SCUBE1: variants seen among roughly 807,000 people sequenced by gnomAD.
SCUBE1 encodes signal peptide, CUB domain and EGF like domain containing 1.
A neutral mutation model predicts 124.4 loss-of-function variants in SCUBE1; 59 were observed. The observed-to-expected ratio is 0.47, with a 90% CI of 0.38 to 0.59. The LOEUF is 0.59. Among genes scored for constraint, SCUBE1 ranks in the 20% least tolerant of loss-of-function variants. The pLI is 0.00. For missense variants in SCUBE1, 1,150 were observed against 1,371.2 expected (o/e 0.84, Z 2.55); for synonymous variants, 545 against 550.9 (o/e 0.99, Z 0.15).
At chr22:43,224,533 A>T (rs1475977333) in intron 10 of SCUBE1, among the ~76,000 whole-genome samples, 2 of 152,140 alleles carry the variant, frequency 1.3e-5, no homozygotes, top group African/African-American at 2.4e-5. Context: ...CATGCTTCCA[A>T]CTCAATCCAA....
intron 4 of SCUBE1, among the ~76,000 whole-genome samples, chr22:43,263,109 C>T (rs1261356207): frequency 6.6e-6 from 1 of 152,224 alleles, no homozygotes; most frequent in African/African-American, 2.4e-5. Context: ...CTGTAAATGG[C>T]ACCTCGTGAC....
chr22:43,284,158 G>A (rs922468126), intron 4 of SCUBE1, among the ~76,000 whole-genome samples: 33 of 152,222 alleles, frequency 2.2e-4, no homozygotes, highest in Admixed American at 2.0e-3. Flanking sequence ...GAGCAGTGTC[G>A]AAAGAAAAGC....
At chr22:43,296,159 C>A (rs1448884140) in intron 3 of SCUBE1, among the ~76,000 whole-genome samples, 1 of 152,218 alleles carries the variant, frequency 6.6e-6, no homozygotes, top group African/African-American at 2.4e-5. Flanking sequence ...TGCACCCTAC[C>A]CTGGCGACCC....
intron 10 of SCUBE1, among the ~76,000 whole-genome samples, chr22:43,226,678 C>T (rs1006594187): frequency 1.1e-4 from 16 of 151,928 alleles, no homozygotes; most frequent in Admixed American, 3.3e-4. Context: ...TTCTAACTTA[C>T]ATTTAAAAGG....
At chr22:43,323,940 C>T (rs1169208349) in intron 2 of SCUBE1, among the ~76,000 whole-genome samples, 1 of 152,170 alleles carries the variant, frequency 6.6e-6, no homozygotes, top group South Asian at 2.1e-4. Context: ...AGCACAATGA[C>T]AGAAGGTGGG....
At chr22:43,339,776 T>C (rs1157964575) in intron 1 of SCUBE1, among the ~76,000 whole-genome samples, 123 of 21,676 alleles carry the variant, frequency 5.7e-3, no homozygotes, top group African/African-American at 0.014. Context: ...CCTCATTCTA[T>C]CCCCCCACAA....
At chr22:43,291,994 C>T (rs1601865620) in intron 3 of SCUBE1, among the ~76,000 whole-genome samples, 1 of 152,082 alleles carries the variant, frequency 6.6e-6, no homozygotes, top group East Asian at 1.9e-4. Flanking sequence ...CGCCAGACCC[C>T]CCACTCTAGG....
chr22:43,316,124 G>C (rs1003718984), intron 3 of SCUBE1, among the ~76,000 whole-genome samples: 3 of 152,114 alleles, frequency 2.0e-5, no homozygotes, highest in African/African-American at 7.2e-5. Flanking sequence ...TGAATATTTG[G>C]TGCCAGACAC....
At chr22:43,278,826 G>A (rs1357938814) in intron 4 of SCUBE1, among the ~76,000 whole-genome samples, 2 of 152,204 alleles carry the variant, frequency 1.3e-5, no homozygotes, top group Non-Finnish European at 1.5e-5. Context: ...CAGGGTGGCT[G>A]TGAGCATCAG....
intron 6 of SCUBE1, among the ~76,000 whole-genome samples, chr22:43,249,511 C>T (rs1482481188): frequency 2.0e-5 from 3 of 152,184 alleles, no homozygotes; most frequent in South Asian, 2.1e-4. Flanking sequence ...CCACTCTCCT[C>T]GGTCTTCCCT....
chr22:43,261,128 G>A (rs1468208274), intron 5 of SCUBE1, among the ~76,000 whole-genome samples: 2 of 152,208 alleles, frequency 1.3e-5, no homozygotes, highest in African/African-American at 2.4e-5. Context: ...GGCCTTTCTC[G>A]TGAGGAAACT....
chr22:43,303,288 G>A (rs776784629), intron 3 of SCUBE1, among the ~76,000 whole-genome samples: 2 of 152,214 alleles, frequency 1.3e-5, no homozygotes, highest in East Asian at 1.9e-4. Context: ...ATCCTTGAGC[G>A]TGAGCGTCCT....
At chr22:43,216,607 ACACCATTG>A (rs1376706410) in intron 15 of SCUBE1, among the ~76,000 whole-genome samples, 2 of 151,958 alleles carry the variant, frequency 1.3e-5, no homozygotes, top group Non-Finnish European at 2.9e-5. Context: ...AGCTGAGATT[ACACCATTG>A]CACTGCAGCC....
At chr22:43,225,893 C>G (rs554961925) in intron 10 of SCUBE1, among the ~76,000 whole-genome samples, 1 of 152,166 alleles carries the variant, frequency 6.6e-6, no homozygotes, top group South Asian at 2.1e-4. Flanking sequence ...AGACGGAGAT[C>G]CCCTCATGCT....
At chr22:43,317,003 A>C (rs2146781268) in intron 3 of SCUBE1, 1 of 152,264 alleles carries the variant, frequency 6.6e-6, no homozygotes, top group South Asian at 2.1e-4. Flanking sequence ...CCTCTACCAC[A>C]CACCCACAAA....
At chr22:43,228,972 G>A (rs886074641) in intron 9 of SCUBE1, 100 bp downstream of exon 9, 12 of 847,004 alleles carry the variant, frequency 1.4e-5, no homozygotes, top group Non-Finnish European at 2.3e-5. Flanking sequence ...AGGCCCCCCA[G>A]GGTTGAGGGC....
At chr22:43,282,541 T>G (rs1308871160) in intron 4 of SCUBE1, 1 of 152,126 alleles carries the variant, frequency 6.6e-6, no homozygotes, top group South Asian at 2.1e-4. Context: ...CCTCTCTTTC[T>G]ACCACAAACT....
intron 3 of SCUBE1, among the ~76,000 whole-genome samples, chr22:43,297,310 G>T (rs1245102581): frequency 6.6e-6 from 1 of 152,236 alleles, no homozygotes; most frequent in African/African-American, 2.4e-5. Context: ...CCTTCTCCAT[G>T]GGCAGTGGCT....
intron 5 of SCUBE1, 59 bp downstream of exon 5, chr22:43,262,661 C>A: frequency 6.2e-7 from 1 of 1,600,036 alleles, no homozygotes; most frequent in East Asian, 2.2e-5. Context: ...ACAGACCCTC[C>A]AGAAAGTAAT....
Sources: gnomAD v4.1 joint callset for allele counts (sites outside exome capture counted in the v4.1 genomes callset) on GRCh38, gnomAD v4.1.1 for gene constraint, MANE v1.5 for transcripts, NCBI Gene and HGNC (gene_info 2026-07-23, HGNC 2026-07-21) for gene names.